The following ZNF257 variants were observed in gnomAD, a reference collection of about 807,000 sequenced individuals.
ZNF257 encodes bone marrow zinc finger 4.
Under a neutral mutation model 11.9 loss-of-function variants are expected in ZNF257, and 12 were observed. The observed-to-expected ratio is 1.01, with a 90% CI of 0.65 to 1.63. The LOEUF (loss-of-function observed/expected upper bound fraction) is 1.63. Among genes scored for constraint, ZNF257 ranks in the 40% most tolerant of loss-of-function variants. ZNF257 has a pLI of 0.00. For missense variants in ZNF257, 580 were observed against 665.5 expected, an observed-to-expected ratio of 0.87 and a Z score of 1.41; for synonymous variants, 183 against 222.7, an observed-to-expected ratio of 0.82 and a Z score of 1.59.
At chr19:22,053,929 A>C (rs552874386) in intron 1 of ZNF257, among the ~76,000 whole-genome samples, 85 of 152,222 alleles carry the variant, frequency 5.6e-4, no homozygotes, top group Non-Finnish European at 3.2e-4. Context: ...CCATCTCAAA[A>C]AAAACAAAAC....
At chr19:22,055,647 C>A (rs2021611259) in intron 1 of ZNF257, among the ~76,000 whole-genome samples, 1 of 152,186 alleles carries the variant, frequency 6.6e-6, no homozygotes, top group Non-Finnish European at 1.5e-5. Context: ...GGTTATTGAG[C>A]ACTTATGAGA....
At chr19:22,068,380 G>T (rs1030467005) in intron 1 of ZNF257, among the ~76,000 whole-genome samples, 2 of 152,018 alleles carry the variant, frequency 1.3e-5, no homozygotes. Flanking sequence ...CTCTTTGATT[G>T]TACTCCACTT....
chr19:22,084,250 T>C (rs2145716646), intron 3 of ZNF257, among the ~76,000 whole-genome samples: 1 of 152,308 alleles, frequency 6.6e-6, no homozygotes, highest in African/African-American at 2.4e-5. Flanking sequence ...CTATTGGCTT[T>C]CCGTAACAAT....
chr19:22,057,411 T>C (rs8111854), intron 1 of ZNF257, among the ~76,000 whole-genome samples: 35,955 of 151,854 alleles, frequency 0.24, 5,743 homozygotes, highest in African/African-American at 0.46. Context: ...CCCCTGCAGA[T>C]GTCCCAGCCA....
At chr19:22,086,757 C>A (rs1342487099) in intron 3 of ZNF257, among the ~76,000 whole-genome samples, 2 of 151,730 alleles carry the variant, frequency 1.3e-5, no homozygotes, top group East Asian at 1.9e-4. Context: ...TTTCTTCTGG[C>A]CTGCAAAATT....
At chr19:22,060,789 T>C (rs2021776473) in intron 1 of ZNF257, among the ~76,000 whole-genome samples, 1 of 152,318 alleles carries the variant, frequency 6.6e-6, no homozygotes, top group East Asian at 1.9e-4. Context: ...CTAATCAATC[T>C]TGAGTTGATT....
chr19:22,072,953 AC>A lies in ZNF257; in HGVS notation c.130+19del. The A allele has an allele frequency of 6.3e-7, 1 of 1,598,408 alleles. No individual in the cohort carries two copies. The highest frequency in any genetic ancestry group is 8.5e-7 in the Non-Finnish European group (1 of 1,174,914). ...CTTCCTGGGTGAGGATAACTTCAGT[AC>A]TCAATTCCTAATATACTCCAAAGGC... is the stretch of plus-strand genomic sequence containing the variant. On this transcript the variant is annotated intron_variant, in intron 2 of 3. Transcript: ENST00000594947.
At chr19:22,065,427 C>T (rs191407365) in intron 1 of ZNF257, among the ~76,000 whole-genome samples, 68 of 152,092 alleles carry the variant, frequency 4.5e-4, no homozygotes, top group African/African-American at 1.4e-3. Context: ...CTCGAACTCC[C>T]GACCTCAGGT....
chr19:22,055,588 T>C (rs1271954433), intron 1 of ZNF257, among the ~76,000 whole-genome samples: 1 of 152,064 alleles, frequency 6.6e-6, no homozygotes, highest in Non-Finnish European at 1.5e-5. Context: ...CAAAATAAAA[T>C]GATCCTGGGC....
chr19:22,089,264 A>G lies in ZNF257; in HGVS notation c.1514A>G (p.His505Arg), dbSNP rs371396245. 6 of 1,613,784 alleles carry G rather than the reference A, an allele frequency of 3.7e-6. No homozygotes were observed. In the South Asian group the frequency reaches 4.4e-5, roughly 12 times the overall value. ...AACCGGTCTTCACACCTTTCTCAACATAAGATAATTCATACTGGAGAGAAA... is the reference window on the plus strand; with the variant it reads ...AACCGGTCTTCACACCTTTCTCAACGTAAGATAATTCATACTGGAGAGAAA... The part of the protein sequence containing the change: ...AFNRSSHLSQ[H>R]KIIHTGEKPY... The change falls in exon 4 of 4, where the codon CAT becomes CGT. Residue 505 changes from histidine to arginine, a missense_variant. Transcript: ENST00000594947.
intron 1 of ZNF257, among the ~76,000 whole-genome samples, chr19:22,070,439 T>C (rs1450658208): frequency 6.6e-6 from 1 of 152,156 alleles, no homozygotes; most frequent in Non-Finnish European, 1.5e-5. Context: ...CCAAGGGTGT[T>C]ATGAAGATTA....
intron 1 of ZNF257, among the ~76,000 whole-genome samples, chr19:22,053,579 T>C (rs1022067144): frequency 6.6e-6 from 1 of 152,144 alleles, no homozygotes; most frequent in Non-Finnish European, 1.5e-5. Context: ...TAAATGGTAG[T>C]GTATAGTTGG....
chr19:22,079,648 A>T (rs2022315449), intron 3 of ZNF257, among the ~76,000 whole-genome samples: 1 of 152,114 alleles, frequency 6.6e-6, no homozygotes, highest in Admixed American at 6.5e-5. Context: ...TCATGATTTA[A>T]TTACCTCTCC....
In ZNF257 at chr19:22,061,878, T is replaced by G. The variant is rs571428100; in HGVS notation, c.3+9243T>G. ...AATTTTGTTGAAAGCTTTTTTTTTT[T>G]GTTGCATCTATTGAGATAATCTTGC... On this transcript the variant is annotated intron_variant, in intron 1 of 3. Transcript: ENST00000594947. Among the ~76,000 whole-genome samples the G allele has an allele frequency of 5.7e-3, 859 of 150,484 alleles. 2 individuals carry two copies. The highest frequency in any genetic ancestry group is 0.019 in the African/African-American group (760 of 40,554).
At chr19:22,070,729 T>C (rs547985823) in intron 1 of ZNF257, among the ~76,000 whole-genome samples, 1 of 152,288 alleles carries the variant, frequency 6.6e-6, no homozygotes, top group East Asian at 1.9e-4. Context: ...GCCTGCTTTC[T>C]CTAACTAATG....
At chr19:22,073,652 C>T (rs559933041) in intron 3 of ZNF257, 88 bp downstream of exon 3, 333 of 1,473,128 alleles carry the variant, frequency 2.3e-4, no homozygotes, top group South Asian at 3.7e-4. Context: ...AATGTCATTT[C>T]GGAAGCTGTA....
In ZNF257 at chr19:22,090,561, G is replaced by GA. The variant is rs1443749234; in HGVS notation, c.*1122dup. 1 of 152,106 alleles carries GA rather than the reference G, an allele frequency of 6.6e-6. No homozygotes were observed. Among genetic ancestry groups the GA allele is most frequent in the Non-Finnish European group, 1.5e-5 (1 of 67,990 alleles). 9.4% of individuals were successfully genotyped at this position (152,106 alleles called of 1,614,324 possible). ...TATAATTATCAGAGAATTAACAGTA[G>GA]AAATAGCTAAGGCACTGACACTTCA... On this transcript the variant is annotated 3_prime_UTR_variant, in exon 4 of 4. Coordinates refer to ENST00000594947, the MANE Select transcript of ZNF257 (RefSeq NM_033468.4).
chr19:22,078,466 C>G (rs942832175), intron 3 of ZNF257, among the ~76,000 whole-genome samples: 1 of 151,876 alleles, frequency 6.6e-6, no homozygotes, highest in African/African-American at 2.4e-5. Context: ...TTTATATATT[C>G]TGAATATTAA....
intron 1 of ZNF257, among the ~76,000 whole-genome samples, chr19:22,061,703 T>G (rs1425837583): frequency 6.6e-6 from 1 of 152,080 alleles, no homozygotes; most frequent in Non-Finnish European, 1.5e-5. Context: ...GACATTCTTG[T>G]CTTGTGCCAT....
Sources: gnomAD v4.1 joint callset for allele counts (sites outside exome capture counted in the v4.1 genomes callset) on GRCh38, gnomAD v4.1.1 for gene constraint, MANE v1.5 for transcripts, NCBI Gene and HGNC (gene_info 2026-07-23, HGNC 2026-07-21) for gene names.